The following CEP72 variants were observed in gnomAD, a reference collection of about 807,000 sequenced individuals.
CEP72 encodes the protein centrosomal protein 72.
Under a neutral mutation model 65.7 loss-of-function variants are expected in CEP72, and 78 were observed. The ratio of observed to expected loss-of-function variants is 1.19; its 90% CI spans 0.99 to 1.43. The LOEUF is 1.43. Ranked by LOEUF, CEP72 falls within the 40% of genes most tolerant of loss-of-function variation. The probability of loss-of-function intolerance (pLI) is 0.00; values close to 1 mark genes in which losing one functional copy is unlikely to be tolerated. For missense variants in CEP72, 914 were observed against 832.9 expected, an observed-to-expected ratio of 1.10 and a Z score of -1.20; for synonymous variants, 358 against 351.7, an observed-to-expected ratio of 1.02 and a Z score of -0.20.
At chr5:663,233 A>G (rs1739746955) in intron 1 of CEP72, 1 of 152,008 alleles carries the variant, frequency 6.6e-6, no homozygotes, top group East Asian at 1.9e-4. Flanking sequence ...TCCGAACCGC[A>G]CATTCAGAGT....
chr5:644,816 T>C (rs1052302775), intron 10 of CEP72, among the ~76,000 whole-genome samples: 4 of 152,188 alleles, frequency 2.6e-5, no homozygotes, highest in Admixed American at 2.0e-4. Flanking sequence ...TTGCCCAGCG[T>C]CTCAGCGTTA....
rs763305433 is a variant in CEP72 at position 635,500 on chromosome 5, TG to T, written c.821del (p.Cys274LeufsTer94). The T allele has an allele frequency of 1.2e-6, 2 of 1,614,086 alleles. No homozygotes were observed. Among genetic ancestry groups the T allele is most frequent in the Non-Finnish European group, 1.7e-6 (2 of 1,179,996 alleles). ...GGAGAAGATGCCTTGGAGCCAGCTC[TG>T]TGGAGAGCTTCCGCCACTGTACGGA... ...CLEKMPWSQL[C>X]GELPPLYGAE... On this transcript the variant is annotated frameshift_variant, in exon 6 of 12. Transcript: ENST00000264935. LOFTEE classifies it high-confidence loss of function.
intron 9 of CEP72, 89 bp downstream of exon 9, chr5:640,693 C>T (rs1016437171): frequency 6.8e-7 from 1 of 1,474,702 alleles, no homozygotes. Flanking sequence ...TCCTTGATGC[C>T]ACACTGTCCC....
chr5:665,041 G>A lies in CEP72; in HGVS notation n.288-139G>A, dbSNP rs546234393. The A allele has an allele frequency of 1.1e-4, 168 of 1,547,476 alleles. 6 individuals carry two copies. In the Admixed American group the frequency reaches 2.1e-3, roughly 20 times the overall value. On this transcript the variant is annotated intron_variant and non_coding_transcript_variant, in intron 2 of 4. Transcript: ENST00000514507. ...AGTTAGTACAGGAATGTAATGAAGT[G>A]CGAGGTGACAGAGTCCCTGCTCTGG...
the CEP72 span, chr5:676,308 G>A: frequency 0.12 from 18,098 of 152,320 alleles, 1,398 homozygotes; most frequent in South Asian, 0.18. Context: ...TGTGTGACCC[G>A]GGAGACACAT....
intron 4 of CEP72, among the ~76,000 whole-genome samples, chr5:666,602 C>T (rs527845835): frequency 3.3e-5 from 5 of 151,400 alleles, no homozygotes; most frequent in African/African-American, 9.8e-5. Context: ...CGCAGGCCCA[C>T]GCCTCAGATG....
intron 11 of CEP72, among the ~76,000 whole-genome samples, chr5:649,936 C>T (rs202181784): frequency 0.011 from 150 of 13,278 alleles, 5 homozygotes; most frequent in Middle Eastern, 0.17. Flanking sequence ...GACTGTGAGG[C>T]GTGACTGTGA....
At chr5:659,026 CTGTT>C (rs1739475912), downstream of CEP72, among the ~76,000 whole-genome samples, 1 of 152,208 alleles carries the variant, frequency 6.6e-6, no homozygotes, top group African/African-American at 2.4e-5. Context: ...TCATTTTGTG[CTGTT>C]TGTTCTATTC....
At chr5:648,964 G>C (rs1274994905) in intron 11 of CEP72, among the ~76,000 whole-genome samples, 1 of 147,904 alleles carries the variant, frequency 6.8e-6, no homozygotes, top group Non-Finnish European at 1.5e-5. Flanking sequence ...CACGAGGCAT[G>C]GACTGTGAGA....
chr5:615,396 T>C (rs1386336914), intron 1 of CEP72, among the ~76,000 whole-genome samples: 2 of 152,184 alleles, frequency 1.3e-5, no homozygotes, highest in African/African-American at 4.8e-5. Context: ...GCTCCCAAAG[T>C]GCTGGGATTA....
intron 1 of CEP72, among the ~76,000 whole-genome samples, chr5:616,004 T>C (rs1735966394): frequency 6.6e-6 from 1 of 152,218 alleles, no homozygotes; most frequent in Admixed American, 6.5e-5. Context: ...TTCCTCTGCA[T>C]ACCTTGAGAA....
intron 2 of CEP72, chr5:665,090 A>G (rs780210857): frequency 6.2e-7 from 1 of 1,606,014 alleles, no homozygotes; most frequent in South Asian, 1.1e-5. Context: ...GCCGCGAGGC[A>G]TGGAGCGGGG....
chr5:620,067 A>G lies in CEP72; in HGVS notation c.211-2A>G, dbSNP rs536166797. On this transcript the variant is annotated splice_acceptor_variant, in intron 2 of 11. Transcript: ENST00000264935. LOFTEE classifies it high-confidence loss of function. Reference sequence around the variant, plus strand: ...TGAATTCACTGTGTTTTCTGTTGACAGGGCATTCAGTACCTGACTGCATTG... The same window carrying G: ...TGAATTCACTGTGTTTTCTGTTGACGGGGCATTCAGTACCTGACTGCATTG... 12 of 1,595,410 alleles carry G rather than the reference A, an allele frequency of 7.5e-6. No individual in the cohort carries two copies. The highest frequency in any genetic ancestry group is 1.1e-5 in the South Asian group (1 of 90,716).
intron 11 of CEP72, among the ~76,000 whole-genome samples, chr5:648,550 T>TGACTGTGAGGTGTG (rs1738599085): frequency 1.2e-5 from 1 of 85,158 alleles, no homozygotes; most frequent in Non-Finnish European, 2.3e-5. Flanking sequence ...CTGTGAGGTG[T>TGACTGTGAGGTGTG]GACTGTGAGG....
At chr5:675,261 C>T in the CEP72 span, among the ~76,000 whole-genome samples, 14 of 39,956 alleles carry the variant, frequency 3.5e-4, no homozygotes, top group South Asian at 1.1e-3. Flanking sequence ...ACAGTGTGGC[C>T]GGGGGTGCAG....
chr5:644,362 T>G lies in CEP72; in HGVS notation c.1603T>G (p.Leu535Val), dbSNP rs1738274729. 6.2e-7 allele frequency: 1 copy of G among 1,613,870 alleles called. No homozygotes were observed. Among genetic ancestry groups the G allele is most frequent in the Non-Finnish European group, 8.5e-7 (1 of 1,179,930 alleles). ...GAACAGTAGGTTAAAATCGCTTTTGTTGAGTATGAAAAAGGAAGTGAAGAG... is the reference window on the plus strand; with the variant it reads ...GAACAGTAGGTTAAAATCGCTTTTGGTGAGTATGAAAAAGGAAGTGAAGAG... ...EENSRLKSLL[L>V]SMKKEVKSAD... Residue 535 changes from leucine to valine, a missense_variant, in exon 10 of 12, where the codon TTG (leucine) becomes GTG (valine). Coordinates refer to ENST00000264935, the MANE Select transcript of CEP72 (RefSeq NM_018140.4).
chr5:650,347 C>T (rs866983096), intron 11 of CEP72, among the ~76,000 whole-genome samples: 103 of 88,476 alleles, frequency 1.2e-3, no homozygotes, highest in Non-Finnish European at 1.6e-3. Flanking sequence ...GACTGTGAGG[C>T]GTGGACTGTG....
downstream of CEP72, among the ~76,000 whole-genome samples, chr5:671,240 T>A (rs1365640582): frequency 7.1e-6 from 1 of 140,232 alleles, no homozygotes; most frequent in African/African-American, 2.6e-5. Flanking sequence ...CTTTTCGTTT[T>A]CCTGGGGAGG....
Position 624,637 on chromosome 5 carries a change from G to T in CEP72, c.512+58G>T. ...GTTTCTGACTGGCCTGCTGTCAGGA[G>T]GATTAACCGAACGTCATTCACTGTG... On this transcript the variant is annotated intron_variant, in intron 4 of 11. Coordinates refer to ENST00000264935, the MANE Select transcript of CEP72 (RefSeq NM_018140.4). This position sits in a 1 kb window ranked among gnomAD's most constrained non-coding sequence, Gnocchi z 4.7. The T allele has an allele frequency of 8.2e-7, 1 of 1,215,010 alleles. No homozygotes were observed. The highest frequency in any genetic ancestry group is 1.2e-6 in the Non-Finnish European group (1 of 817,550). 75.3% of individuals were successfully genotyped at this position (1,215,010 alleles called of 1,614,324 possible). A position where few individuals can be genotyped will look rare whatever the true frequency, so the allele number is the denominator to read the frequency against.
Sources: allele counts gnomAD v4.1 joint callset (sites outside exome capture counted in the v4.1 genomes callset), GRCh38; gene constraint gnomAD v4.1.1; non-coding constraint Gnocchi (gnomAD v3.1); transcripts MANE v1.5; gene names NCBI Gene and HGNC (gene_info 2026-07-23, HGNC 2026-07-21).